DCLK1: variants seen among roughly 807,000 people sequenced by gnomAD.
DCLK1 encodes serine/threonine-protein kinase DCLK1.
Under a neutral mutation model 86.2 loss-of-function variants are expected in DCLK1, and 16 were observed. The ratio of observed to expected loss-of-function variants is 0.19; its 90% CI spans 0.13 to 0.28. The LOEUF is 0.28. Ranked by LOEUF, DCLK1 falls within the 10% of genes least tolerant of loss-of-function variation. DCLK1 has a pLI of 1.00. For missense variants in DCLK1, 590 were observed against 940.2 expected, an observed-to-expected ratio of 0.63 and a Z score of 4.87; for synonymous variants, 369 against 370.5, an observed-to-expected ratio of 1.00 and a Z score of 0.05.
At chr13:36,115,328 T>TAAAAAAAAAC (rs10627322) in intron 2 of DCLK1, among the ~76,000 whole-genome samples, 49 of 151,752 alleles carry the variant, frequency 3.2e-4, no homozygotes, top group African/African-American at 1.1e-3. Flanking sequence ...GAATTTATCT[T>TAAAAAAAAAC]AAACAAACAA....
chr13:36,001,705 G>T (rs1416522956), intron 3 of DCLK1, among the ~76,000 whole-genome samples: 1 of 152,188 alleles, frequency 6.6e-6, no homozygotes, highest in Non-Finnish European at 1.5e-5. Context: ...GATAAAAAAT[G>T]TAAGACTCAT....
In DCLK1 at chr13:35,780,903, G is replaced by T. The variant is rs2086513881; in HGVS notation, c.2059-6204C>A. Reference sequence around the variant, plus strand: ...TAACACCAGGCATACATAAATAAAAGACAGTGCTTGCCTATTATCAGATTT... The same window carrying T: ...TAACACCAGGCATACATAAATAAAATACAGTGCTTGCCTATTATCAGATTT... On this transcript the variant is annotated intron_variant, in intron 16 of 16. Coordinates refer to ENST00000360631, the MANE Select transcript of DCLK1 (RefSeq NM_001330071.2). Among the ~76,000 whole-genome samples the T allele has an allele frequency of 1.3e-5, 2 of 152,194 alleles. 1 individual carries two copies. The highest frequency in any genetic ancestry group is 4.1e-4 in the South Asian group (2 of 4,830).
intron 4 of DCLK1, among the ~76,000 whole-genome samples, chr13:35,898,476 A>G (rs577495279): frequency 6.6e-6 from 1 of 152,350 alleles, no homozygotes; most frequent in South Asian, 2.1e-4. Context: ...CTTATACTAT[A>G]AAGATTTCAT....
chr13:36,029,559 A>G (rs753955406), intron 3 of DCLK1, among the ~76,000 whole-genome samples: 2 of 152,178 alleles, frequency 1.3e-5, no homozygotes, highest in Non-Finnish European at 2.9e-5. Flanking sequence ...AGACTCTACT[A>G]AACAAAGCAA....
At chr13:36,110,845 T>C (rs2138187495) in intron 3 of DCLK1, among the ~76,000 whole-genome samples, 1 of 150,306 alleles carries the variant, frequency 6.7e-6, no homozygotes, top group Admixed American at 6.6e-5. Flanking sequence ...TTTTTTTTTT[T>C]TTTGAGACGG....
rs1209181820 is a variant in DCLK1 at position 35,814,127 on chromosome 13, C to T, written c.1555-3159G>A. On this transcript the variant is annotated intron_variant, in intron 11 of 16. Coordinates refer to ENST00000360631, the MANE Select transcript of DCLK1 (RefSeq NM_001330071.2). Reference sequence around the variant, plus strand: ...GGGGACTCTTCATTAGCACCTGCTACGGCCTGAGCTACGTGCACCCTTATC... The same window carrying T: ...GGGGACTCTTCATTAGCACCTGCTATGGCCTGAGCTACGTGCACCCTTATC... 3.3e-5 allele frequency among the ~76,000 whole-genome samples: 5 copies of T among 152,252 alleles called. No individual in the cohort carries two copies. The East Asian group carries it at 5.8e-4, about 18-fold the overall frequency.
intron 16 of DCLK1, among the ~76,000 whole-genome samples, chr13:35,792,856 C>T (rs1452537153): frequency 9.9e-5 from 15 of 152,170 alleles, no homozygotes; most frequent in Admixed American, 8.5e-4. Context: ...AGCAAGACAT[C>T]GTGACTTCGT....
chr13:35,809,902 A>C (rs1409557680), intron 12 of DCLK1, among the ~76,000 whole-genome samples: 5 of 152,212 alleles, frequency 3.3e-5, no homozygotes, highest in Admixed American at 2.0e-4. Context: ...AAAACAAAAC[A>C]AAACCTCGAA....
intron 3 of DCLK1, among the ~76,000 whole-genome samples, chr13:36,098,797 C>T (rs1885098184): frequency 6.6e-6 from 1 of 152,056 alleles, no homozygotes. Context: ...CACCTGATTC[C>T]CAATACATCT....
At chr13:35,804,854 G>A (rs12429203) in intron 15 of DCLK1, among the ~76,000 whole-genome samples, 24,482 of 152,142 alleles carry the variant, frequency 0.16, 2,993 homozygotes, top group African/African-American at 0.33. Flanking sequence ...CATTAGACCC[G>A]TGTACTCAAA....
chr13:35,876,571 T>C (rs982381400), intron 4 of DCLK1, among the ~76,000 whole-genome samples: 1 of 152,242 alleles, frequency 6.6e-6, no homozygotes, highest in African/African-American at 2.4e-5. Flanking sequence ...AAATGCTGCA[T>C]GGCTTCAGAG....
chr13:35,984,301 T>C (rs983184191), intron 3 of DCLK1, among the ~76,000 whole-genome samples: 6 of 152,234 alleles, frequency 3.9e-5, no homozygotes, highest in Admixed American at 3.9e-4. Context: ...TGAAAAACAG[T>C]TGTGCCCTCT....
At chr13:36,102,389 G>A (rs1207738523) in intron 3 of DCLK1, among the ~76,000 whole-genome samples, 2 of 152,164 alleles carry the variant, frequency 1.3e-5, no homozygotes, top group Non-Finnish European at 1.5e-5. Context: ...GTTAAAGGAT[G>A]AGCCAAAAGT....
intron 11 of DCLK1, among the ~76,000 whole-genome samples, chr13:35,815,977 T>C (rs1230139638): frequency 6.6e-6 from 1 of 152,144 alleles, no homozygotes; most frequent in Non-Finnish European, 1.5e-5. Context: ...TGGAGATATC[T>C]GGGAAGATGG....
At chr13:35,936,962 C>T (rs1876785211) in intron 4 of DCLK1, among the ~76,000 whole-genome samples, 23 of 65,712 alleles carry the variant, frequency 3.5e-4, no homozygotes, top group East Asian at 1.2e-3. Flanking sequence ...GAAAAGTTAG[C>T]TTTTTTTTTT....
intron 3 of DCLK1, among the ~76,000 whole-genome samples, chr13:36,000,873 T>C (rs1282688478): frequency 1.3e-5 from 2 of 152,236 alleles, no homozygotes; most frequent in African/African-American, 2.4e-5. Flanking sequence ...TAAATGTGAA[T>C]TGTTTTCACA....
At chr13:35,828,931 G>C (rs991221385) in intron 8 of DCLK1, among the ~76,000 whole-genome samples, 1 of 152,146 alleles carries the variant, frequency 6.6e-6, no homozygotes, top group Non-Finnish European at 1.5e-5. Flanking sequence ...TTCAGTGTGA[G>C]AGCCTGTGTG....
Position 35,813,668 on chromosome 13 carries a change from G to T in DCLK1, c.1555-2700C>A, listed in dbSNP as rs150704921. ...CATTGAAATACATAGAACCATAATT[G>T]TGATGTTCTTTTTATTCCCTGTACA... On this transcript the variant is annotated intron_variant, in intron 11 of 16. Transcript: ENST00000360631. Among the ~76,000 whole-genome samples the T allele has an allele frequency of 5.3e-4, 79 of 149,780 alleles. 2 individuals are homozygous for T. The highest frequency in any genetic ancestry group is 1.8e-3 in the African/African-American group (75 of 40,742).
intron 16 of DCLK1, among the ~76,000 whole-genome samples, chr13:35,793,070 T>C (rs979848517): frequency 2.0e-5 from 3 of 152,190 alleles, no homozygotes; most frequent in South Asian, 4.1e-4. Context: ...GAAGTTTGCA[T>C]TGGCACAGAG....
Sources: gnomAD v4.1 joint callset for allele counts (sites outside exome capture counted in the v4.1 genomes callset) on GRCh38, gnomAD v4.1.1 for gene constraint, MANE v1.5 for transcripts, NCBI Gene and HGNC (gene_info 2026-07-23, HGNC 2026-07-21) for gene names.